Variants in STK3 observed in about 807,000 individuals in gnomAD.
The protein encoded by STK3 is serine/threonine-protein kinase 3.
STK3 carries 41 observed loss-of-function variants against 58.0 expected under a neutral mutation model. The ratio of observed to expected loss-of-function variants is 0.71; its 90% CI spans 0.55 to 0.92. STK3 has a LOEUF of 0.92. STK3 is among the 40% of genes least tolerant of loss of function. The pLI is 0.00. For missense variants in STK3, 479 were observed against 602.7 expected (o/e 0.79, Z 2.15); for synonymous variants, 170 against 191.0 (o/e 0.89, Z 0.91).
At chr8:98,863,538 C>T (rs573406343) in intron 3 of STK3, among the ~76,000 whole-genome samples, 2 of 152,190 alleles carry the variant, frequency 1.3e-5, no homozygotes, top group South Asian at 2.1e-4. Flanking sequence ...GTTTAGAGCA[C>T]GCCTAGCATG....
Position 98,371,986 on chromosome 8 carries a change from AG to A in STK3, n.112-309del, listed in dbSNP as rs752774054. Reference sequence around the variant, plus strand: ...AGTCATACTGAGTGGGATCAGGGGGAGGGGGGTCCTTAAACCGAATATGACT... The same window carrying A: ...AGTCATACTGAGTGGGATCAGGGGGAGGGGGTCCTTAAACCGAATATGACT... On this transcript the variant is annotated intron_variant and non_coding_transcript_variant, in intron 2 of 2. Coordinates refer to the STK3 transcript ENST00000518704. Among the ~76,000 whole-genome samples, 22 of 152,128 alleles carry A rather than the reference AG, an allele frequency of 1.4e-4. No homozygotes were observed. In the East Asian group the frequency reaches 1.7e-3, roughly 12 times the overall value.
intron 3 of STK3, among the ~76,000 whole-genome samples, chr8:98,862,279 G>A (rs1836964686): frequency 6.6e-6 from 1 of 152,166 alleles, no homozygotes; most frequent in Non-Finnish European, 1.5e-5. Context: ...AATGCAGGAA[G>A]CTAACACAGA....
At chr8:98,375,296 ATTATAC>A (rs2130994147) in intron 2 of STK3, among the ~76,000 whole-genome samples, 1 of 151,518 alleles carries the variant, frequency 6.6e-6, no homozygotes, top group South Asian at 2.1e-4. Flanking sequence ...AAAAAAACCT[ATTATAC>A]TTAGCTAGTG....
chr8:98,690,904 T>C (rs1357246552), intron 6 of STK3, among the ~76,000 whole-genome samples: 1 of 152,158 alleles, frequency 6.6e-6, no homozygotes, highest in African/African-American at 2.4e-5. Context: ...TCATGTCCTT[T>C]GCAGGAATGT....
intron 1 of STK3, among the ~76,000 whole-genome samples, chr8:98,778,447 T>TC (rs1413282888): frequency 1.3e-5 from 2 of 152,046 alleles, no homozygotes; most frequent in African/African-American, 4.8e-5. Flanking sequence ...GTAAACTAGT[T>TC]CAACCATTGT....
At chr8:98,751,765 C>T (rs553202486) in intron 3 of STK3, among the ~76,000 whole-genome samples, 46 of 152,060 alleles carry the variant, frequency 3.0e-4, no homozygotes, top group African/African-American at 9.4e-4. Context: ...CACGGTGAAA[C>T]CCCCATCTCT....
At chr8:98,810,549 T>C (rs981493619) in intron 1 of STK3, among the ~76,000 whole-genome samples, 15 of 151,058 alleles carry the variant, frequency 9.9e-5, no homozygotes, top group African/African-American at 3.7e-4. Flanking sequence ...TTTCATGTGC[T>C]TATTGGCCAA....
intron 1 of STK3, among the ~76,000 whole-genome samples, chr8:98,821,851 G>T (rs1310223085): frequency 1.3e-5 from 2 of 151,968 alleles, no homozygotes. Flanking sequence ...ATGAGGGTGA[G>T]AGGTGCCTTA....
chr8:98,594,603 TAAAAA>T (rs1815641222), intron 7 of STK3, among the ~76,000 whole-genome samples: 1 of 151,610 alleles, frequency 6.6e-6, no homozygotes, highest in Non-Finnish European at 1.5e-5. Context: ...CTCAAAAAAA[TAAAAA>T]ATAAAATAAA....
intron 3 of STK3, among the ~76,000 whole-genome samples, chr8:98,840,265 T>C (rs1385442739): frequency 5.3e-5 from 8 of 150,074 alleles, no homozygotes; most frequent in African/African-American, 2.0e-4. Context: ...GAGAATCACT[T>C]GAACCCAGTA....
intron 1 of STK3, among the ~76,000 whole-genome samples, chr8:98,803,632 A>T (rs1833731527): frequency 6.6e-6 from 1 of 151,564 alleles, no homozygotes; most frequent in Admixed American, 6.6e-5. Context: ...AAGAAATAGT[A>T]AAAACAATAA....
chr8:98,426,865 C>T (rs1272827344), intron 3 of STK3, among the ~76,000 whole-genome samples: 1 of 152,014 alleles, frequency 6.6e-6, no homozygotes, highest in Admixed American at 6.6e-5. Flanking sequence ...GTCGCGGTGA[C>T]GCGCCGGGGA....
At chr8:98,610,486 C>T (rs1024802488) in intron 6 of STK3, among the ~76,000 whole-genome samples, 2 of 152,188 alleles carry the variant, frequency 1.3e-5, no homozygotes, top group African/African-American at 4.8e-5. Context: ...CATTGATTTT[C>T]TTTCTATTCT....
chr8:98,912,299 T>C (rs1839169061), intron 1 of STK3, among the ~76,000 whole-genome samples: 1 of 151,630 alleles, frequency 6.6e-6, no homozygotes, highest in Non-Finnish European at 1.5e-5. Context: ...AATTGCTTGA[T>C]CCCGGGAGGA....
intron 4 of STK3, among the ~76,000 whole-genome samples, chr8:98,720,178 T>C (rs567403545): frequency 1.3e-5 from 2 of 152,364 alleles, no homozygotes; most frequent in South Asian, 4.1e-4. Flanking sequence ...GGAGAAATAT[T>C]TTCTAGAACG....
Position 98,526,818 on chromosome 8 carries a change from A to G in STK3, c.1241T>C (p.Met414Thr), listed in dbSNP as rs752670614. The G allele has an allele frequency of 6.2e-7, 1 of 1,601,488 alleles. No homozygotes were observed. The highest frequency in any genetic ancestry group is 1.7e-5 in the Admixed American group (1 of 59,290). ...NKSHENCNQN[M>T]HEPFPMSKNV... ...TTTGGACATAGGGAAGGGTTCATGC[A>G]TGTTCTGATTACAGTTTTCGTGACT... The change falls in exon 10 of 11, where the codon ATG becomes ACG. Residue 414 changes from methionine (M) to threonine (T), a missense_variant. Around this residue, in one of 3 missense-constraint regions of STK3, gnomAD observed 309 missense variants for 355.7 expected, o/e 0.87. Coordinates refer to ENST00000419617, the MANE Select transcript of STK3 (RefSeq NM_006281.4).
chr8:98,345,748 A>G, the STK3 span, among the ~76,000 whole-genome samples: 1 of 152,082 alleles, frequency 6.6e-6, no homozygotes, highest in Non-Finnish European at 1.5e-5. Context: ...AGAACAGGAC[A>G]CCAAAATAGT....
intron 2 of STK3, among the ~76,000 whole-genome samples, chr8:98,374,788 A>G (rs1183486600): frequency 2.0e-5 from 3 of 152,222 alleles, no homozygotes; most frequent in Non-Finnish European, 4.4e-5. Flanking sequence ...AATGCAGGAG[A>G]AAATGAAAAT....
intron 1 of STK3, among the ~76,000 whole-genome samples, chr8:98,381,242 A>G (rs529195844): frequency 2.0e-5 from 3 of 152,170 alleles, no homozygotes; most frequent in African/African-American, 7.2e-5. Flanking sequence ...AAGTGCTGGG[A>G]TTACAGGTGT....
Sources: allele counts gnomAD v4.1 joint callset (sites outside exome capture counted in the v4.1 genomes callset), GRCh38; gene constraint gnomAD v4.1.1; regional missense constraint gnomAD v4.1.1; transcripts MANE v1.5; gene names NCBI Gene and HGNC (gene_info 2026-07-23, HGNC 2026-07-21).